Variants in NTRK3 observed in about 807,000 individuals in gnomAD.
NTRK3 encodes neurotrophic receptor tyrosine kinase 3.
A neutral mutation model predicts 91.7 loss-of-function variants in NTRK3; 24 were observed. The observed-to-expected ratio is 0.26, with a 90% CI of 0.19 to 0.37. NTRK3 has a LOEUF of 0.37. Ranked by LOEUF, NTRK3 falls within the 10% of genes least tolerant of loss-of-function variation. NTRK3 has a pLI of 1.00. For synonymous variants in NTRK3, 483 were observed against 404.0 expected (o/e 1.20, Z -2.34); for missense variants, 880 against 1,068.9 (o/e 0.82, Z 2.46).
At chr15:87,952,649 T>A (rs992351808) in intron 14 of NTRK3, among the ~76,000 whole-genome samples, 2 of 152,132 alleles carry the variant, frequency 1.3e-5, no homozygotes, top group Non-Finnish European at 2.9e-5. Context: ...CGGCACCATC[T>A]CCTTCCGCGT....
chr15:88,076,206 G>A (rs2047528706), intron 13 of NTRK3, among the ~76,000 whole-genome samples: 1 of 152,180 alleles, frequency 6.6e-6, no homozygotes, highest in Non-Finnish European at 1.5e-5. Flanking sequence ...CATGGTGGCA[G>A]GTAAGAGGAT....
intron 14 of NTRK3, among the ~76,000 whole-genome samples, chr15:87,964,884 A>T (rs1454047276): frequency 1.3e-5 from 2 of 152,250 alleles, no homozygotes; most frequent in African/African-American, 4.8e-5. Context: ...TCCATTCACC[A>T]GTCAATAAAC....
intron 13 of NTRK3, among the ~76,000 whole-genome samples, chr15:88,054,167 C>G (rs529024094): frequency 2.8e-4 from 42 of 152,322 alleles, no homozygotes; most frequent in Middle Eastern, 6.8e-3. Context: ...TTTGTACTGC[C>G]AGTTTTAGGC....
chr15:88,191,300 G>A (rs567883203), intron 3 of NTRK3, among the ~76,000 whole-genome samples: 5 of 152,128 alleles, frequency 3.3e-5, no homozygotes, highest in East Asian at 3.9e-4. Context: ...CAATTCTCGT[G>A]CCTCAGCCTA....
At chr15:88,067,046 C>T (rs1175651425) in intron 13 of NTRK3, among the ~76,000 whole-genome samples, 2 of 152,214 alleles carry the variant, frequency 1.3e-5, no homozygotes, top group Admixed American at 1.3e-4. Context: ...TCCAGCCCTA[C>T]TGACACAGTC....
At chr15:88,199,801 G>A (rs940544139) in intron 3 of NTRK3, among the ~76,000 whole-genome samples, 1 of 152,210 alleles carries the variant, frequency 6.6e-6, no homozygotes, top group Non-Finnish European at 1.5e-5. Context: ...TAGGCCAGTA[G>A]CAGCAGAGTT....
intron 5 of NTRK3, among the ~76,000 whole-genome samples, chr15:88,170,631 C>A (rs1298276359): frequency 1.3e-5 from 2 of 152,170 alleles, no homozygotes. Context: ...GGTCTGCACT[C>A]TTTCTATGTT....
intron 14 of NTRK3, among the ~76,000 whole-genome samples, chr15:87,981,568 A>G (rs1357840382): frequency 6.6e-6 from 1 of 152,212 alleles, no homozygotes; most frequent in African/African-American, 2.4e-5. Context: ...CCCTGGCATT[A>G]TAGAAATGGC....
At chr15:87,903,645 G>T (rs760196182) in intron 17 of NTRK3, among the ~76,000 whole-genome samples, 1 of 152,186 alleles carries the variant, frequency 6.6e-6, no homozygotes, top group Non-Finnish European at 1.5e-5. Flanking sequence ...GAACTCAGAG[G>T]ACTGGGACTA....
At chr15:88,126,146 T>G in intron 13 of NTRK3, 125 bp downstream of exon 13, 1 of 729,570 alleles carries the variant, frequency 1.4e-6, no homozygotes, top group East Asian at 2.8e-5. Flanking sequence ...TTTCCATCAG[T>G]ACCAGTTAGA....
intron 5 of NTRK3, among the ~76,000 whole-genome samples, chr15:88,153,411 T>C (rs1248246998): frequency 6.6e-6 from 1 of 151,988 alleles, no homozygotes; most frequent in Non-Finnish European, 1.5e-5. Flanking sequence ...CCCAGCTAAT[T>C]TTTTGTATTT....
intron 6 of NTRK3, 34 bp from the exon 7 acceptor site, chr15:88,137,595 G>C: frequency 6.2e-7 from 1 of 1,609,246 alleles, no homozygotes; most frequent in Non-Finnish European, 8.5e-7. Context: ...GGGAACCTCT[G>C]AACCGAAGAT....
intron 3 of NTRK3, among the ~76,000 whole-genome samples, chr15:88,251,267 T>C (rs985403011): frequency 2.6e-5 from 4 of 152,142 alleles, no homozygotes; most frequent in African/African-American, 4.8e-5. Context: ...ATCACTGCCA[T>C]CCCCAGGAGA....
intron 14 of NTRK3, among the ~76,000 whole-genome samples, chr15:88,015,805 C>T (rs1178272807): frequency 6.6e-6 from 1 of 152,078 alleles, no homozygotes; most frequent in Admixed American, 6.6e-5. Context: ...TTCTCCTGCA[C>T]TATGTTTATT....
chr15:87,934,656 G>T (rs74900741), intron 15 of NTRK3, among the ~76,000 whole-genome samples: 2,381 of 152,208 alleles, frequency 0.016, 63 homozygotes, highest in African/African-American at 0.055. Flanking sequence ...AGTATGAAAA[G>T]GGCCCTAGAC....
chr15:88,230,040 T>G (rs527682114), intron 3 of NTRK3, among the ~76,000 whole-genome samples: 1 of 152,356 alleles, frequency 6.6e-6, no homozygotes, highest in South Asian at 2.1e-4. Flanking sequence ...TGTGAGCGTG[T>G]GCTCTGGACT....
At chr15:88,147,310 G>A in intron 6 of NTRK3, 25 bp downstream of exon 6, 2 of 1,607,656 alleles carry the variant, frequency 1.2e-6, no homozygotes, top group Non-Finnish European at 1.7e-6. Flanking sequence ...TTCAGTACCT[G>A]GACAGTCTTC....
intron 17 of NTRK3, among the ~76,000 whole-genome samples, chr15:87,918,681 T>G (rs2067634734): frequency 6.6e-6 from 1 of 152,256 alleles, no homozygotes; most frequent in South Asian, 2.1e-4. Context: ...CCCTATGAGA[T>G]TTTTATTTCC....
chr15:88,095,688 G>C (rs921025783), intron 13 of NTRK3, among the ~76,000 whole-genome samples: 3 of 152,182 alleles, frequency 2.0e-5, no homozygotes, highest in African/African-American at 7.2e-5. Flanking sequence ...TAGAAGGTTT[G>C]AGGAGTACCT....
Sources: allele counts gnomAD v4.1 joint callset (sites outside exome capture counted in the v4.1 genomes callset), GRCh38; gene constraint gnomAD v4.1.1; transcripts MANE v1.5; gene names NCBI Gene and HGNC (gene_info 2026-07-23, HGNC 2026-07-21).